Variants in CSMD1 observed in about 807,000 individuals in gnomAD.
CSMD1 encodes the protein CUB and sushi domain-containing protein 1.
CSMD1 carries 213 observed loss-of-function variants against 417.5 expected under a neutral mutation model. The ratio of observed to expected loss-of-function variants is 0.51; its 90% CI spans 0.46 to 0.57. The LOEUF is 0.57. Among genes scored for constraint, CSMD1 ranks in the 20% least tolerant of loss-of-function variants. The probability of loss-of-function intolerance (pLI) is 0.00; values close to 1 mark genes in which losing one functional copy is unlikely to be tolerated. For synonymous variants in CSMD1, 2,862 were observed against 1,736.8 expected, an observed-to-expected ratio of 1.65 and a Z score of -16.11; for missense variants, 6,923 against 4,529.7, an observed-to-expected ratio of 1.53 and a Z score of -15.17.
At position 4,581,189 on chromosome 8, in the gene CSMD1, C is replaced by T. The variant is rs575500177; in HGVS notation, c.302+56153G>A. 4.6e-5 allele frequency among the ~76,000 whole-genome samples: 7 copies of T among 152,210 alleles called. No homozygotes were observed. The South Asian group carries it at 1.4e-3, about 32-fold the overall frequency. ...AATTTCTATTTTAGAATTTAGTTGA[C>T]TTGTTGATAAAACTAATTTGGCAAT... is the stretch of plus-strand genomic sequence containing the variant. On this transcript the variant is annotated intron_variant, in intron 2 of 69. Transcript: ENST00000635120.
chr8:3,736,831 G>A (rs1243005847), intron 6 of CSMD1, among the ~76,000 whole-genome samples: 4 of 152,166 alleles, frequency 2.6e-5, no homozygotes, highest in African/African-American at 7.2e-5. Context: ...TGAGGCTGCT[G>A]GGATGTTACG....
At position 3,408,102 on chromosome 8, in the gene CSMD1, T is replaced by A; in HGVS notation, c.1868A>T (p.His623Leu). 1.2e-6 allele frequency: 2 copies of A among 1,613,858 alleles called. No homozygotes were observed. The highest frequency in any genetic ancestry group is 1.7e-6 in the Non-Finnish European group (2 of 1,179,852). Residue 623 changes from histidine to leucine, a missense_variant, in exon 14 of 70, where the codon CAC (histidine) becomes CTC (leucine). By Grantham distance (99) the His-to-Leu change is moderately conservative (BLOSUM62 -3). Coordinates refer to ENST00000635120, the MANE Select transcript of CSMD1 (RefSeq NM_033225.6). The part of the protein sequence containing the change: ...LIISEPGSRI[H>L]LIFNDFDVEP... ...AACATCAAAATCATTAAAGATTAGGTGAATTCGACTTCCTGGCTCCGAGAT... is the reference window on the plus strand; with the variant it reads ...AACATCAAAATCATTAAAGATTAGGAGAATTCGACTTCCTGGCTCCGAGAT...
intron 1 of CSMD1, among the ~76,000 whole-genome samples, chr8:4,902,578 T>C (rs1804958125): frequency 6.6e-6 from 1 of 152,226 alleles, no homozygotes; most frequent in Non-Finnish European, 1.5e-5. Flanking sequence ...TTAGAAAATA[T>C]TATGCTGTGG....
intron 2 of CSMD1, among the ~76,000 whole-genome samples, chr8:4,451,327 G>A (rs1352115892): frequency 1.3e-5 from 2 of 152,120 alleles, no homozygotes; most frequent in African/African-American, 4.8e-5. Context: ...TCCAGCCTGG[G>A]CAACAAAGCA....
At chr8:3,938,661 G>A (rs1295157584) in intron 5 of CSMD1, among the ~76,000 whole-genome samples, 1 of 152,160 alleles carries the variant, frequency 6.6e-6, no homozygotes, top group Non-Finnish European at 1.5e-5. Context: ...TTTGAAGTCT[G>A]CTTCTGTTAA....
chr8:4,683,305 C>T (rs920044800), intron 1 of CSMD1, among the ~76,000 whole-genome samples: 1 of 152,040 alleles, frequency 6.6e-6, no homozygotes, highest in African/African-American at 2.4e-5. Context: ...ATCCAAAGTA[C>T]ATTTAATAGT....
chr8:3,657,625 C>A (rs999508179), intron 7 of CSMD1, among the ~76,000 whole-genome samples: 11 of 152,064 alleles, frequency 7.2e-5, no homozygotes, highest in Admixed American at 3.3e-4. Flanking sequence ...TATTCTCACT[C>A]ATAAGTGGGT....
intron 10 of CSMD1, among the ~76,000 whole-genome samples, chr8:3,518,147 A>C (rs1797358709): frequency 6.6e-6 from 1 of 152,058 alleles, no homozygotes; most frequent in Admixed American, 6.6e-5. Flanking sequence ...TAGAAAAAAA[A>C]GAATGGAAAT....
intron 5 of CSMD1, among the ~76,000 whole-genome samples, chr8:3,755,844 T>C (rs1368030740): frequency 6.6e-6 from 1 of 152,116 alleles, no homozygotes; most frequent in Non-Finnish European, 1.5e-5. Context: ...CAGATTTGCC[T>C]CTTTGCTTGG....
chr8:4,712,793 G>C (rs1051520824), intron 1 of CSMD1, among the ~76,000 whole-genome samples: 6 of 152,018 alleles, frequency 3.9e-5, no homozygotes, highest in Non-Finnish European at 7.3e-5. Context: ...TGTTGGTTTC[G>C]TGCTGAGGCA....
chr8:4,745,759 C>A (rs1210994799), intron 1 of CSMD1, among the ~76,000 whole-genome samples: 1 of 152,158 alleles, frequency 6.6e-6, no homozygotes, highest in African/African-American at 2.4e-5. Flanking sequence ...ATATTTAAAT[C>A]TATAGGAACA....
chr8:4,846,379 TG>T (rs2116807402), intron 1 of CSMD1, among the ~76,000 whole-genome samples: 1 of 152,286 alleles, frequency 6.6e-6, no homozygotes, highest in African/African-American at 2.4e-5. Context: ...AGGGCTGACA[TG>T]GTGGTTTTCC....
chr8:2,939,398 T>C (rs1294041212), intron 69 of CSMD1, among the ~76,000 whole-genome samples: 3 of 152,174 alleles, frequency 2.0e-5, no homozygotes, highest in Admixed American at 6.5e-5. Flanking sequence ...TGAATCTTTA[T>C]AAAAAAGGAA....
intron 3 of CSMD1, among the ~76,000 whole-genome samples, chr8:4,198,766 T>C (rs1157584594): frequency 6.6e-6 from 1 of 152,170 alleles, no homozygotes; most frequent in African/African-American, 2.4e-5. Context: ...AATTTTGAAA[T>C]ACTATTCTAA....
chr8:3,530,423 T>G (rs1345156100), intron 10 of CSMD1, among the ~76,000 whole-genome samples: 1 of 152,234 alleles, frequency 6.6e-6, no homozygotes, highest in Non-Finnish European at 1.5e-5. Flanking sequence ...CTAATGATTG[T>G]TTAGGTGTGT....
At chr8:4,192,693 T>C (rs934324764) in intron 3 of CSMD1, among the ~76,000 whole-genome samples, 2 of 152,212 alleles carry the variant, frequency 1.3e-5, no homozygotes, top group Admixed American at 6.5e-5. Flanking sequence ...TAAATCTGTA[T>C]TGCTCACCAA....
Position 4,400,565 on chromosome 8 carries a change from C to T in CSMD1, c.415+19388G>A, listed in dbSNP as rs941380526. Among the ~76,000 whole-genome samples, 7 of 152,324 alleles carry T rather than the reference C, an allele frequency of 4.6e-5. 1 individual carries two copies. The South Asian group carries it at 1.2e-3, about 27-fold the overall frequency. ...GTGCAAGGCACAGGGCCAGCCACATCAGCCATTACTTTCATTAGAGCTGCT... is the reference window on the plus strand; with the variant it reads ...GTGCAAGGCACAGGGCCAGCCACATTAGCCATTACTTTCATTAGAGCTGCT... On this transcript the variant is annotated intron_variant, in intron 3 of 69. Transcript: ENST00000635120.
intron 12 of CSMD1, among the ~76,000 whole-genome samples, chr8:3,442,068 A>C (rs961902590): frequency 6.6e-6 from 1 of 152,026 alleles, no homozygotes; most frequent in African/African-American, 2.4e-5. Context: ...AAAAATTTTA[A>C]AAAGTAAAAA....
intron 3 of CSMD1, among the ~76,000 whole-genome samples, chr8:4,351,428 A>T (rs1801086142): frequency 6.6e-6 from 1 of 152,234 alleles, no homozygotes; most frequent in African/African-American, 2.4e-5. Context: ...GTAAGGTAAG[A>T]AGAGTTACTT....
Sources: allele counts gnomAD v4.1 joint callset (sites outside exome capture counted in the v4.1 genomes callset), GRCh38; gene constraint gnomAD v4.1.1; transcripts MANE v1.5; gene names NCBI Gene and HGNC (gene_info 2026-07-23, HGNC 2026-07-21).